Variants in MITF observed in about 807,000 individuals in gnomAD.
The protein encoded by MITF is microphthalmia-associated transcription factor.
MITF carries 17 observed loss-of-function variants against 60.5 expected under a neutral mutation model. That is an observed-to-expected ratio of 0.28 (90% CI 0.19 to 0.42). MITF has a LOEUF of 0.42. Among genes scored for constraint, MITF ranks in the 10% least tolerant of loss-of-function variants. The pLI is 1.00. For synonymous variants in MITF, 260 were observed against 248.5 expected, an observed-to-expected ratio of 1.05 and a Z score of -0.43; for missense variants, 622 against 683.5, an observed-to-expected ratio of 0.91 and a Z score of 1.00.
intron 2 of MITF, among the ~76,000 whole-genome samples, chr3:69,926,834 A>G (rs889548316): frequency 6.6e-6 from 1 of 152,232 alleles, no homozygotes; most frequent in Non-Finnish European, 1.5e-5. Context: ...AGTCCTCTCC[A>G]TCTGATCAAA....
intron 1 of MITF, among the ~76,000 whole-genome samples, chr3:69,776,483 A>T (rs961027688): frequency 2.0e-5 from 3 of 152,152 alleles, no homozygotes; most frequent in African/African-American, 4.8e-5. Context: ...TGCACAATGG[A>T]GATAGTAATA....
chr3:69,739,789 A>G, intron 1 of MITF, 88 bp downstream of exon 1: 1 of 1,007,452 alleles, frequency 9.9e-7, no homozygotes, highest in Non-Finnish European at 1.5e-6. Flanking sequence ...GGGTCGCGGG[A>G]GCTCTGGGAC....
chr3:69,832,544 A>G (rs1165930120), intron 1 of MITF, among the ~76,000 whole-genome samples: 1 of 151,860 alleles, frequency 6.6e-6, no homozygotes, highest in African/African-American at 2.4e-5. Flanking sequence ...TTCCCTTTGT[A>G]TTTTCATCTT....
At chr3:69,881,730 T>C (rs538821060) in intron 2 of MITF, among the ~76,000 whole-genome samples, 1 of 152,232 alleles carries the variant, frequency 6.6e-6, no homozygotes, top group East Asian at 1.9e-4. Flanking sequence ...ATATGCTTAA[T>C]CTTGGACCAT....
chr3:69,936,672 G>A (rs1427100616), intron 2 of MITF: 1 of 1,611,636 alleles, frequency 6.2e-7, no homozygotes, highest in African/African-American at 1.3e-5. Context: ...AAAGTAGAGG[G>A]AGGGATAGTC....
chr3:69,807,149 A>G (rs775265486), intron 1 of MITF, among the ~76,000 whole-genome samples: 9 of 152,138 alleles, frequency 5.9e-5, no homozygotes, highest in Non-Finnish European at 1.2e-4. Flanking sequence ...CTTAAGTTAC[A>G]TGATTTCACC....
At chr3:69,848,758 AAG>A (rs2063773393) in intron 1 of MITF, among the ~76,000 whole-genome samples, 1 of 152,150 alleles carries the variant, frequency 6.6e-6, no homozygotes, top group Non-Finnish European at 1.5e-5. Flanking sequence ...TATGTAAGGA[AAG>A]AGCAGACACT....
rs1305768327 is a variant in MITF at position 69,968,133 on chromosome 3, C to T, written c.*2885C>T. The T allele has an allele frequency of 8.6e-6, 2 of 233,048 alleles. No individual in the cohort carries two copies. The highest frequency in any genetic ancestry group is 4.4e-5 in the African/African-American group (2 of 45,296). The allele number at this position is 233,048 out of a possible 1,614,324, so 14.4% of individuals were successfully genotyped here. On this transcript the variant is annotated 3_prime_UTR_variant, in exon 10 of 10. Coordinates refer to ENST00000352241, the MANE Select transcript of MITF (RefSeq NM_001354604.2). ...GATGTCAATAACAGTATAAAACAGCCCTATTTCTTGATAAAAAATGACAAA... is the reference window on the plus strand; with the variant it reads ...GATGTCAATAACAGTATAAAACAGCTCTATTTCTTGATAAAAAATGACAAA...
intron 1 of MITF, among the ~76,000 whole-genome samples, chr3:69,800,174 T>C (rs531670224): frequency 6.6e-6 from 1 of 152,324 alleles, no homozygotes; most frequent in East Asian, 1.9e-4. Flanking sequence ...ATTTGCCTAC[T>C]GGACATTTCA....
intron 2 of MITF, among the ~76,000 whole-genome samples, chr3:69,899,415 G>A (rs1021585330): frequency 2.0e-5 from 3 of 152,174 alleles, no homozygotes; most frequent in South Asian, 4.1e-4. Flanking sequence ...TATTTTAAGA[G>A]CAATGGGAAG....
chr3:69,793,493 G>GATGCTCATATCATGCACCCTCTCCCA, intron 1 of MITF, among the ~76,000 whole-genome samples: 1 of 131,708 alleles, frequency 7.6e-6, no homozygotes, highest in Non-Finnish European at 1.7e-5. Context: ...CTACCCATTA[G>GATGCTCATATCATGCACCCTCTCCCA]ATGCTCATAG....
intron 1 of MITF, among the ~76,000 whole-genome samples, chr3:69,746,719 G>T (rs1423372823): frequency 6.6e-6 from 1 of 152,174 alleles, no homozygotes; most frequent in Admixed American, 6.5e-5. Flanking sequence ...TTATAAGAAG[G>T]TTTTTGTGAG....
intron 1 of MITF, among the ~76,000 whole-genome samples, chr3:69,756,566 G>A (rs542166892): frequency 7.6e-4 from 115 of 152,046 alleles, no homozygotes; most frequent in African/African-American, 2.7e-3. Flanking sequence ...CCAAGTCTTC[G>A]CTATTGTAAA....
intron 5 of MITF, among the ~76,000 whole-genome samples, chr3:69,944,935 G>A (rs536307172): frequency 6.6e-6 from 1 of 151,840 alleles, no homozygotes; most frequent in Non-Finnish European, 1.5e-5. Flanking sequence ...TTCGTGTTAG[G>A]CATTTTTTTC....
At chr3:69,772,136 A>C (rs1175666989) in intron 1 of MITF, among the ~76,000 whole-genome samples, 1 of 152,210 alleles carries the variant, frequency 6.6e-6, no homozygotes, top group Non-Finnish European at 1.5e-5. Context: ...AACATGAAAG[A>C]GCATAAACTG....
chr3:69,747,957 C>T (rs1012665443), intron 1 of MITF, among the ~76,000 whole-genome samples: 6 of 152,176 alleles, frequency 3.9e-5, no homozygotes, highest in South Asian at 2.1e-4. Context: ...AAAACATACA[C>T]GCCTACCACG....
chr3:69,891,857 T>C (rs1022789092), intron 2 of MITF, among the ~76,000 whole-genome samples: 1 of 152,178 alleles, frequency 6.6e-6, no homozygotes, highest in East Asian at 1.9e-4. Flanking sequence ...ATTTAGGGTA[T>C]CTTGTACATG....
At chr3:69,956,898 C>T (rs770173110) in intron 8 of MITF, among the ~76,000 whole-genome samples, 1 of 152,128 alleles carries the variant, frequency 6.6e-6, no homozygotes, top group Non-Finnish European at 1.5e-5. Flanking sequence ...ACTGTTTGCT[C>T]TTTGACTTGT....
chr3:69,950,870 C>T (rs1414290589), intron 6 of MITF, among the ~76,000 whole-genome samples: 1 of 151,952 alleles, frequency 6.6e-6, no homozygotes, highest in East Asian at 1.9e-4. Context: ...AGAGATGTCA[C>T]AAGAGTTGCT....
Sources: allele counts gnomAD v4.1 joint callset (sites outside exome capture counted in the v4.1 genomes callset), GRCh38; gene constraint gnomAD v4.1.1; transcripts MANE v1.5; gene names NCBI Gene and HGNC (gene_info 2026-07-23, HGNC 2026-07-21).